Variants in TPCN1 observed in about 807,000 individuals in gnomAD.
TPCN1 encodes the protein two pore channel protein 1.
A neutral mutation model predicts 108.8 loss-of-function variants in TPCN1; 52 were observed. That is an observed-to-expected ratio of 0.48 (90% CI 0.38 to 0.60). TPCN1 has a LOEUF of 0.60. TPCN1 is among the 20% of genes least tolerant of loss of function. The pLI is 0.00. For missense variants in TPCN1, 806 were observed against 1,072.8 expected, an observed-to-expected ratio of 0.75 and a Z score of 3.47; for synonymous variants, 446 against 433.7, an observed-to-expected ratio of 1.03 and a Z score of -0.35.
rs182485946 is a variant in TPCN1, at chr12:113,286,360, C to T, written c.1526+399C>T. Among the ~76,000 whole-genome samples, 317 of 129,058 alleles carry T rather than the reference C, an allele frequency of 2.5e-3. 1 individual carries two copies. The highest frequency in any genetic ancestry group is 0.012 in the Middle Eastern group (3 of 252). 84.7% of individuals were successfully genotyped at this position (129,058 alleles called of 152,430 possible). A position where few individuals can be genotyped will look rare whatever the true frequency, so the allele number is the denominator to read the frequency against. Reference sequence around the variant, plus strand: ...CTATTCCCCAGAGCGTTGGAGGTCACTTCCCTGCCCTGTTCAAGTTAACCG... The same window carrying T: ...CTATTCCCCAGAGCGTTGGAGGTCATTTCCCTGCCCTGTTCAAGTTAACCG... On this transcript the variant is annotated intron_variant, in intron 18 of 27. Transcript: ENST00000335509.
At chr12:113,263,967 G>C (rs1955145239) in intron 3 of TPCN1, among the ~76,000 whole-genome samples, 1 of 152,168 alleles carries the variant, frequency 6.6e-6, no homozygotes, top group Non-Finnish European at 1.5e-5. Flanking sequence ...TCTCTTCTGG[G>C]ACAACTCCAA....
At chr12:113,283,802 T>A (rs917163515) in intron 15 of TPCN1, among the ~76,000 whole-genome samples, 1 of 152,066 alleles carries the variant, frequency 6.6e-6, no homozygotes, top group African/African-American at 2.4e-5. Flanking sequence ...GCCTCCTGAG[T>A]AGCTGGGCCC....
At chr12:113,237,196 T>C (rs746281218) in intron 2 of TPCN1, among the ~76,000 whole-genome samples, 8 of 152,106 alleles carry the variant, frequency 5.3e-5, no homozygotes, top group Non-Finnish European at 1.0e-4. Flanking sequence ...TAGGGGTTAC[T>C]TTTCCCTCTG....
intron 2 of TPCN1, among the ~76,000 whole-genome samples, chr12:113,233,710 C>T (rs1028592025): frequency 2.0e-5 from 3 of 152,180 alleles, no homozygotes; most frequent in South Asian, 2.1e-4. Context: ...GAGCCCTCGC[C>T]GTGTGTCAGG....
chr12:113,251,910 T>G, intron 2 of TPCN1, among the ~76,000 whole-genome samples: 1 of 152,012 alleles, frequency 6.6e-6, no homozygotes, highest in East Asian at 1.9e-4. Context: ...ACAGTGAGAG[T>G]GAGTCCAGGT....
In TPCN1 at chr12:113,284,438, C is replaced by A; in HGVS notation, c.1343-143C>A. ...TAAGAGCACTGAGCAGAAAGAAGTTCCCTATCAAATGGGTGTGTGGAGCAG... is the reference window on the plus strand; with the variant it reads ...TAAGAGCACTGAGCAGAAAGAAGTTACCTATCAAATGGGTGTGTGGAGCAG... On this transcript the variant is annotated intron_variant, in intron 15 of 27. Coordinates refer to ENST00000335509, the MANE Select transcript of TPCN1 (RefSeq NM_017901.6). The surrounding 1 kb of genome is among the most constrained non-coding windows in gnomAD (Gnocchi z 4.1). 1.2e-6 allele frequency: 1 copy of A among 839,510 alleles called. No individual in the cohort carries two copies. Among genetic ancestry groups the A allele is most frequent in the Non-Finnish European group, 2.0e-6 (1 of 512,218 alleles). The allele number at this position is 839,510 out of a possible 1,614,324, so 52.0% of individuals were successfully genotyped here.
intron 2 of TPCN1, among the ~76,000 whole-genome samples, chr12:113,256,328 C>T (rs1458957261): frequency 1.3e-5 from 2 of 150,594 alleles, no homozygotes; most frequent in Non-Finnish European, 2.9e-5. Flanking sequence ...CACTATATTC[C>T]CCAGGCTGGG....
In TPCN1 at chr12:113,288,062, C is replaced by G. The variant is rs945221525; in HGVS notation, c.1635-101C>G. 8.3e-7 allele frequency: 1 copy of G among 1,200,954 alleles called. No homozygotes were observed. Among genetic ancestry groups the G allele is most frequent in the Non-Finnish European group, 1.2e-6 (1 of 836,152 alleles). 74.4% of individuals were successfully genotyped at this position (1,200,954 alleles called of 1,614,324 possible). ...AGGTGGAGGAGAGGCCCTCACCTGT[C>G]TTCACCGCATGGCGTGTGGAAGGCG... On this transcript the variant is annotated intron_variant, in intron 19 of 27. Coordinates refer to ENST00000335509, the MANE Select transcript of TPCN1 (RefSeq NM_017901.6). This position sits in a 1 kb window ranked among gnomAD's most constrained non-coding sequence, Gnocchi z 4.8.
At chr12:113,270,814 C>G (rs1593164779) in intron 7 of TPCN1, among the ~76,000 whole-genome samples, 1 of 152,092 alleles carries the variant, frequency 6.6e-6, no homozygotes, top group Non-Finnish European at 1.5e-5. Context: ...TAATCCCATT[C>G]GGGAGGACGT....
chr12:113,228,659 A>G (rs1282613296), intron 2 of TPCN1, among the ~76,000 whole-genome samples: 2 of 152,190 alleles, frequency 1.3e-5, no homozygotes, highest in African/African-American at 4.8e-5. Flanking sequence ...TTATCTCCTC[A>G]TATAACCTCA....
chr12:113,295,235 G>A (rs1478639297), intron 27 of TPCN1, among the ~76,000 whole-genome samples: 2 of 152,058 alleles, frequency 1.3e-5, no homozygotes, highest in African/African-American at 4.8e-5. Context: ...TAAAACAAGG[G>A]GGCCAGAACT....
chr12:113,286,133 C>T (rs1956066903), intron 18 of TPCN1, among the ~76,000 whole-genome samples, 172 bp downstream of exon 18: 1 of 152,222 alleles, frequency 6.6e-6, no homozygotes, highest in Non-Finnish European at 1.5e-5. Context: ...CAGGAACTCC[C>T]CAGGGTCAGG....
intron 26 of TPCN1, 54 bp from the exon 27 acceptor site, chr12:113,293,215 G>GGGGT: frequency 6.2e-7 from 1 of 1,607,594 alleles, no homozygotes. Context: ...TGTGGCACCA[G>GGGGT]GGGTGGGACC....
chr12:113,245,103 C>CA (rs963025561), intron 2 of TPCN1, among the ~76,000 whole-genome samples: 9 of 151,560 alleles, frequency 5.9e-5, no homozygotes, highest in South Asian at 2.1e-4. Context: ...CCTGTCTCTA[C>CA]AAAAAAATAC....
In TPCN1 at chr12:113,284,416, G is replaced by C. The variant is rs930957823; in HGVS notation, c.1343-165G>C. Among the ~76,000 whole-genome samples the C allele has an allele frequency of 1.3e-5, 2 of 152,236 alleles. No homozygotes were observed. The highest frequency in any genetic ancestry group is 2.1e-4 in the South Asian group (1 of 4,832). ...CTGGTTGATTTAGCTCCCTTGGTAAGAGCACTGAGCAGAAAGAAGTTCCCT... is the reference window on the plus strand; with the variant it reads ...CTGGTTGATTTAGCTCCCTTGGTAACAGCACTGAGCAGAAAGAAGTTCCCT... On this transcript the variant is annotated intron_variant, in intron 15 of 27. Coordinates refer to ENST00000335509, the MANE Select transcript of TPCN1 (RefSeq NM_017901.6). The surrounding 1 kb of genome is among the most constrained non-coding windows in gnomAD (Gnocchi z 4.1).
In TPCN1 at chr12:113,288,364, T is replaced by A; in HGVS notation, c.1706+130T>A. Reference sequence around the variant, plus strand: ...ACTGCAATCGAGGGCCTGACGGGGCTCCAAGGAGCCTGGAATCTTGACCAC... The same window carrying A: ...ACTGCAATCGAGGGCCTGACGGGGCACCAAGGAGCCTGGAATCTTGACCAC... On this transcript the variant is annotated intron_variant, in intron 20 of 27. Coordinates refer to ENST00000335509, the MANE Select transcript of TPCN1 (RefSeq NM_017901.6). The surrounding 1 kb of genome is among the most constrained non-coding windows in gnomAD (Gnocchi z 4.8). 2 of 1,516,168 alleles carry A rather than the reference T, an allele frequency of 1.3e-6. No individual in the cohort carries two copies. Among genetic ancestry groups the A allele is most frequent in the South Asian group, 2.4e-5 (2 of 81,682 alleles). The allele number at this position is 1,516,168 out of a possible 1,614,324, so 93.9% of individuals were successfully genotyped here.
chr12:113,292,027 G>A, intron 25 of TPCN1, 69 bp downstream of exon 25: 1 of 1,380,124 alleles, frequency 7.2e-7, no homozygotes, highest in Non-Finnish European at 1.0e-6. Context: ...GTCTGTCTGG[G>A]TGGCTGTCCA....
chr12:113,286,873 G>T lies in TPCN1; in HGVS notation c.1527-114G>T, dbSNP rs562651294. ...TCCCGCAGCCGGCTGGTTCCTGTTG[G>T]TGTTGCTGTGTCTGGGCTCTGTGGG... On this transcript the variant is annotated intron_variant, in intron 18 of 27. Transcript: ENST00000335509. The T allele has an allele frequency of 1.1e-4, 77 of 719,794 alleles. No homozygotes were observed. The South Asian group carries it at 1.2e-3, about 11-fold the overall frequency. The allele number at this position is 719,794 out of a possible 1,614,324, so 44.6% of individuals were successfully genotyped here.
intron 3 of TPCN1, among the ~76,000 whole-genome samples, chr12:113,261,084 C>T (rs551669059): frequency 3.9e-5 from 6 of 152,048 alleles, no homozygotes; most frequent in Admixed American, 2.6e-4. Context: ...CCCAGCTACT[C>T]GGGAGGCTGA....
Sources: allele counts gnomAD v4.1 joint callset (sites outside exome capture counted in the v4.1 genomes callset), GRCh38; gene constraint gnomAD v4.1.1; non-coding constraint Gnocchi (gnomAD v3.1); transcripts MANE v1.5; gene names NCBI Gene and HGNC (gene_info 2026-07-23, HGNC 2026-07-21).